Variants in SLC17A4 observed in about 807,000 individuals in gnomAD.
The protein encoded by SLC17A4 is probable small intestine urate exporter.
Under a neutral mutation model 52.5 loss-of-function variants are expected in SLC17A4, and 33 were observed. The observed-to-expected ratio is 0.63, with a 90% CI of 0.48 to 0.84. The LOEUF (loss-of-function observed/expected upper bound fraction) is 0.84, where lower values mean the gene tolerates loss of function less well. SLC17A4 is among the 40% of genes least tolerant of loss of function. The probability of loss-of-function intolerance (pLI) is 0.00; values close to 1 mark genes in which losing one functional copy is unlikely to be tolerated. For synonymous variants in SLC17A4, 225 were observed against 216.2 expected (o/e 1.04, Z -0.36); for missense variants, 585 against 597.1 (o/e 0.98, Z 0.21).
At chr6:25,771,861 A>C (rs758235066) in intron 6 of SLC17A4, among the ~76,000 whole-genome samples, 17 of 152,192 alleles carry the variant, frequency 1.1e-4, no homozygotes, top group Non-Finnish European at 1.6e-4. Context: ...AAAGGTTCCA[A>C]AGACACTTGG....
chr6:25,762,926 T>C (rs2000350), intron 2 of SLC17A4, among the ~76,000 whole-genome samples: 45,371 of 152,070 alleles, frequency 0.3, 7,742 homozygotes, highest in East Asian at 0.74. Flanking sequence ...GTCTCTCCCT[T>C]AAAATTAATA....
intron 8 of SLC17A4, 136 bp downstream of exon 8, chr6:25,773,810 C>A (rs1190189364): frequency 2.6e-6 from 2 of 784,072 alleles, no homozygotes; most frequent in African/African-American, 1.7e-5. Flanking sequence ...ATAGGAAATG[C>A]AATCTAGTTA....
intron 2 of SLC17A4, among the ~76,000 whole-genome samples, chr6:25,768,776 C>T (rs971887674): frequency 5.3e-5 from 8 of 152,198 alleles, no homozygotes; most frequent in Non-Finnish European, 1.0e-4. Flanking sequence ...TCCACACATT[C>T]TTCAAGTCTC....
chr6:25,770,597 C>T (rs1257478857), intron 5 of SLC17A4, 126 bp downstream of exon 5: 3 of 820,516 alleles, frequency 3.7e-6, no homozygotes, highest in Non-Finnish European at 6.2e-6. Context: ...TAAAGCACTA[C>T]CCCATACTGC....
Position 25,773,301 on chromosome 6 carries a change from C to T in SLC17A4, c.733C>T (p.Leu245Phe), listed in dbSNP as rs1165098543. The stretch of plus-strand genomic sequence containing the variant: ...AGGAATTGGCTGTGCTTGTTGTCCT[C>T]TCTGGTTTCCTCTCATTTATGATGA... ...FGGIGCACCP[L>F]WFPLIYDDPV... Residue 245 changes from leucine (L) to phenylalanine (F), a missense_variant, in exon 7 of 12, where the codon CTC becomes TTC. Coordinates refer to ENST00000377905, the MANE Select transcript of SLC17A4 (RefSeq NM_005495.3). The T allele has an allele frequency of 3.1e-6, 5 of 1,613,912 alleles. No individual in the cohort carries two copies. The highest frequency in any genetic ancestry group is 4.2e-6 in the Non-Finnish European group (5 of 1,179,812).
At chr6:25,765,193 T>C (rs762402631) in intron 2 of SLC17A4, among the ~76,000 whole-genome samples, 10 of 152,186 alleles carry the variant, frequency 6.6e-5, no homozygotes, top group Non-Finnish European at 1.3e-4. Flanking sequence ...AGGCATGTGT[T>C]AGATAAAAAA....
Position 25,770,907 on chromosome 6 carries a change from C to T in SLC17A4, c.620-19C>T. On this transcript the variant is annotated intron_variant, in intron 5 of 11. Coordinates refer to ENST00000377905, the MANE Select transcript of SLC17A4 (RefSeq NM_005495.3). ...AGACGAGTCCTCTCACCCAGAACAT[C>T]CTCGCCTCTTCTGTTCAGGGTCAAT... The T allele has an allele frequency of 1.3e-6, 2 of 1,598,394 alleles. No homozygotes were observed. The highest frequency in any genetic ancestry group is 8.6e-7 in the Non-Finnish European group (1 of 1,165,724).
intron 1 of SLC17A4, among the ~76,000 whole-genome samples, chr6:25,756,581 ACTGTC>A (rs1761036912): frequency 6.6e-6 from 1 of 152,180 alleles, no homozygotes; most frequent in African/African-American, 2.4e-5. Context: ...CCACAACAGC[ACTGTC>A]CTCCCTTCAC....
chr6:25,767,721 C>A (rs887700005), intron 2 of SLC17A4, among the ~76,000 whole-genome samples: 7 of 152,114 alleles, frequency 4.6e-5, no homozygotes, highest in Admixed American at 1.3e-4. Context: ...AGCTGAGGTG[C>A]CCATTCTTAC....
chr6:25,761,999 G>T lies in SLC17A4; in HGVS notation c.37G>T (p.Asp13Tyr), dbSNP rs143424660. The part of the protein sequence containing the change: ...TGPDVKATVG[D>Y]ISSDGNLNVA... ...ACCAGATGTCAAGGCTACAGTGGGG[G>T]ACATTTCCAGTGATGGCAATTTAAA... The change falls in exon 2 of 12, where the codon GAC (aspartate) becomes TAC (tyrosine). Residue 13 changes from aspartate to tyrosine, a missense_variant. By Grantham distance (160) the Asp-to-Tyr change is radical. Transcript: ENST00000377905. 844 of 1,613,886 alleles carry T rather than the reference G, an allele frequency of 5.2e-4. 2 individuals carry two copies. Among genetic ancestry groups the T allele is most frequent in the Middle Eastern group, 2.3e-3 (14 of 6,062 alleles).
intron 3 of SLC17A4, 28 bp downstream of exon 3, chr6:25,769,218 T>C (rs1371402323): frequency 1.3e-6 from 2 of 1,574,962 alleles, no homozygotes; most frequent in Non-Finnish European, 1.7e-6. Context: ...CTGGACTCTT[T>C]CTTTGACTCA....
rs370791969 is a variant in SLC17A4 at position 25,779,231 on chromosome 6, T to C, written c.*43T>C. 5.8e-5 allele frequency: 94 copies of C among 1,607,922 alleles called. 3 individuals are homozygous for C. The South Asian group carries it at 9.7e-4, about 17-fold the overall frequency. On this transcript the variant is annotated 3_prime_UTR_variant, in exon 12 of 12. Transcript: ENST00000377905. ...CTAGATCCTGGTGCTTAGTTCATCATTGTTTTCCCTCACAGACATTTCTCT... is the reference window on the plus strand; with the variant it reads ...CTAGATCCTGGTGCTTAGTTCATCACTGTTTTCCCTCACAGACATTTCTCT...
At position 25,777,951 on chromosome 6, in the gene SLC17A4, T is replaced by C; in HGVS notation, c.1294T>C (p.Leu432=). ...GTACACTGGCTTTCTCAAAGGACTA[T>C]TGCAAGTCTTTGCACACATAGCTGG... The part of the protein sequence containing the change: ...PRYTGFLKGL[L]QVFAHIAGAI... Residue 432 remains leucine (L), a synonymous_variant, in exon 11 of 12, where the codon TTG becomes CTG. Transcript: ENST00000377905. The C allele has an allele frequency of 3.7e-6, 6 of 1,613,172 alleles. No individual in the cohort carries two copies. Among genetic ancestry groups the C allele is most frequent in the Non-Finnish European group, 5.1e-6 (6 of 1,179,600 alleles).
chr6:25,774,273 T>A (rs1469666244), intron 8 of SLC17A4, among the ~76,000 whole-genome samples: 1 of 152,210 alleles, frequency 6.6e-6, no homozygotes, highest in African/African-American at 2.4e-5. Context: ...ATACTCTGAA[T>A]GGCTGACAGG....
intron 1 of SLC17A4, among the ~76,000 whole-genome samples, chr6:25,761,621 T>C (rs1255809111): frequency 6.6e-6 from 1 of 152,216 alleles, no homozygotes; most frequent in Non-Finnish European, 1.5e-5. Flanking sequence ...TTCATGTCCA[T>C]TTGATACTAG....
chr6:25,779,136 G>C lies in SLC17A4; in HGVS notation c.1442G>C (p.Gly481Ala). ...ISGLVFYLIF[G>A]RADVQDWAKE... ...GGCCTGGTTTTCTACCTCATCTTTGGCCGAGCAGATGTGCAGGACTGGGCT... is the reference window on the plus strand; with the variant it reads ...GGCCTGGTTTTCTACCTCATCTTTGCCCGAGCAGATGTGCAGGACTGGGCT... Residue 481 changes from glycine (G) to alanine (A), a missense_variant, in exon 12 of 12, where the codon GGC becomes GCC. By Grantham distance (60) the Gly-to-Ala change is moderately conservative. Coordinates refer to ENST00000377905, the MANE Select transcript of SLC17A4 (RefSeq NM_005495.3). 1.2e-6 allele frequency: 2 copies of C among 1,613,804 alleles called. No individual in the cohort carries two copies. The highest frequency in any genetic ancestry group is 1.7e-6 in the Non-Finnish European group (2 of 1,179,808).
chr6:25,768,960 A>AT, intron 2 of SLC17A4, 25 bp from the exon 3 acceptor site: 1 of 1,610,082 alleles, frequency 6.2e-7, no homozygotes, highest in Non-Finnish European at 8.5e-7. Context: ...TCTGATTGTG[A>AT]TTTTTCATGC....
Position 25,780,684 on chromosome 6 carries a change from AG to A in SLC17A4, c.*1498del, listed in dbSNP as rs530529498. The A allele has an allele frequency of 5.7e-3, 864 of 152,368 alleles. 4 individuals are homozygous for A. Among genetic ancestry groups the A allele is most frequent in the Middle Eastern group, 0.024 (7 of 294 alleles). The allele number at this position is 152,368 out of a possible 1,614,324, so 9.4% of individuals were successfully genotyped here. A position where few individuals can be genotyped will look rare whatever the true frequency, so the allele number is the denominator to read the frequency against. On this transcript the variant is annotated 3_prime_UTR_variant, in exon 12 of 12. Coordinates refer to ENST00000377905, the MANE Select transcript of SLC17A4 (RefSeq NM_005495.3). ...CAGTAGGAAGTGTCCTGGTTTTCAA[AG>A]GCACTCTGCATGAGAGATTAGGTTG... is the stretch of plus-strand genomic sequence containing the variant.
chr6:25,774,731 A>G (rs1018680121), intron 8 of SLC17A4, among the ~76,000 whole-genome samples: 2 of 152,208 alleles, frequency 1.3e-5, no homozygotes, highest in African/African-American at 4.8e-5. Context: ...GAGGAAGAGG[A>G]AAATGGGAAA....
Sources: gnomAD v4.1 joint callset for allele counts (sites outside exome capture counted in the v4.1 genomes callset) on GRCh38, gnomAD v4.1.1 for gene constraint, MANE v1.5 for transcripts, NCBI Gene and HGNC (gene_info 2026-07-23, HGNC 2026-07-21) for gene names.